The following CCM2L variants were observed in gnomAD, a reference collection of about 807,000 sequenced individuals.
CCM2L encodes CCM2 like scaffold protein, also known as cerebral cavernous malformations 2 protein-like.
CCM2L carries 36 observed loss-of-function variants against 54.1 expected under a neutral mutation model. The ratio of observed to expected loss-of-function variants is 0.67; its 90% CI spans 0.51 to 0.88. CCM2L has a LOEUF of 0.88. CCM2L is among the 40% of genes least tolerant of loss of function. The probability of loss-of-function intolerance (pLI) is 0.00; values close to 1 mark genes in which losing one functional copy is unlikely to be tolerated. For synonymous variants in CCM2L, 351 were observed against 359.3 expected (o/e 0.98, Z 0.26); for missense variants, 700 against 812.1 (o/e 0.86, Z 1.68).
intron 5 of CCM2L, among the ~76,000 whole-genome samples, chr20:32,019,661 C>T (rs2064784867): frequency 6.6e-6 from 1 of 152,160 alleles, no homozygotes; most frequent in Non-Finnish European, 1.5e-5. Flanking sequence ...GTTCCTTCTC[C>T]AACGTTGTCA....
At position 32,017,839 on chromosome 20, in the gene CCM2L, C is replaced by T. The variant is rs761922725; in HGVS notation, c.238C>T (p.Pro80Ser). 1 of 1,614,122 alleles carries T rather than the reference C, an allele frequency of 6.2e-7. No individual in the cohort carries two copies. The highest frequency in any genetic ancestry group is 8.5e-7 in the Non-Finnish European group (1 of 1,180,040). Residue 80 changes from proline (P) to serine (S), a missense_variant, in exon 3 of 10, where the codon CCC becomes TCC. By Grantham distance (74) the Pro-to-Ser change is moderately conservative. Transcript: ENST00000452892. ...HLTWVTSSLN[P>S]SSRDELLQLL... is the part of the protein sequence containing the mutation. Reference sequence around the variant, plus strand: ...TACCTGGGTGACTTCCTCACTGAACCCCTCCAGTCGGGACGAGCTCCTGCA... The same window carrying T: ...TACCTGGGTGACTTCCTCACTGAACTCCTCCAGTCGGGACGAGCTCCTGCA...
intron 1 of CCM2L, among the ~76,000 whole-genome samples, chr20:32,013,088 CAGG>C (rs1279419642): frequency 1.3e-5 from 2 of 152,166 alleles, no homozygotes; most frequent in African/African-American, 2.4e-5. Context: ...CATTTGAGCT[CAGG>C]AGTTCAAGCC....
chr20:32,028,881 T>C, intron 7 of CCM2L, 114 bp from the exon 8 acceptor site: 1 of 1,352,788 alleles, frequency 7.4e-7, no homozygotes, highest in Non-Finnish European at 1.0e-6. Context: ...GGCCAGGGTA[T>C]GCGAGGCCTT....
At chr20:32,014,259 ATATTT>A (rs1296782846) in intron 1 of CCM2L, among the ~76,000 whole-genome samples, 222 of 138,938 alleles carry the variant, frequency 1.6e-3, no homozygotes, top group African/African-American at 5.9e-3. Flanking sequence ...ATATATATAT[ATATTT>A]TTTTTTTTTT....
chr20:32,024,407 C>T (rs904595587), intron 6 of CCM2L, among the ~76,000 whole-genome samples: 2 of 152,224 alleles, frequency 1.3e-5, no homozygotes, highest in Non-Finnish European at 2.9e-5. Flanking sequence ...TTATTGAGCA[C>T]CTAGTGGGTC....
chr20:32,026,867 C>A (rs1014180226), intron 7 of CCM2L, among the ~76,000 whole-genome samples: 1 of 148,316 alleles, frequency 6.7e-6, no homozygotes, highest in South Asian at 2.1e-4. Context: ...CAGAGCGAGA[C>A]TCTATCTCAA....
Position 32,018,025 on chromosome 20 carries a change from T to C in CCM2L, c.329T>C (p.Ile110Thr). 1 of 1,613,712 alleles carries C rather than the reference T, an allele frequency of 6.2e-7. No homozygotes were observed. The highest frequency in any genetic ancestry group is 1.1e-5 in the South Asian group (1 of 91,050). The change falls in exon 4 of 10, where the codon ATC becomes ACC. Residue 110 changes from isoleucine (I) to threonine (T), a missense_variant. Coordinates refer to ENST00000452892, the MANE Select transcript of CCM2L (RefSeq NM_001365692.1). ...PLKTTAEQDS[I>T]LSLSARCLLL... is the part of the protein sequence containing the mutation. Reference sequence around the variant, plus strand: ...AAGACCACGGCGGAGCAGGACAGCATCCTGAGCCTGTCTGCCCGCTGCCTG... The same window carrying C: ...AAGACCACGGCGGAGCAGGACAGCACCCTGAGCCTGTCTGCCCGCTGCCTG...
intron 1 of CCM2L, among the ~76,000 whole-genome samples, chr20:32,011,375 C>T (rs761239642): frequency 3.9e-5 from 6 of 152,096 alleles, no homozygotes; most frequent in African/African-American, 1.4e-4. Flanking sequence ...GAGGCCGAGG[C>T]GGGTGGATCA....
At chr20:32,025,116 C>CCCCTTT (rs1237451619) in intron 6 of CCM2L, among the ~76,000 whole-genome samples, 1 of 149,434 alleles carries the variant, frequency 6.7e-6, no homozygotes. Flanking sequence ...CCTTCCCCTT[C>CCCCTTT]CCCTTTCTTT....
rs186680069 is a variant in CCM2L, at chr20:32,016,605, G to A, written c.199-1195G>A. ...TGGGAGGCAGAGGCTGCGGTGAGCC[G>A]AGCTCACACTGCTGCACTCCAGCCC... is the stretch of plus-strand genomic sequence containing the variant. On this transcript the variant is annotated intron_variant, in intron 2 of 9. Transcript: ENST00000452892. 2.9e-3 allele frequency among the ~76,000 whole-genome samples: 437 copies of A among 152,100 alleles called. 1 individual carries two copies. Among genetic ancestry groups the A allele is most frequent in the African/African-American group, 9.0e-3 (373 of 41,492 alleles).
intron 1 of CCM2L, among the ~76,000 whole-genome samples, chr20:32,013,926 T>C (rs1412439103): frequency 6.6e-6 from 1 of 152,150 alleles, no homozygotes; most frequent in African/African-American, 2.4e-5. Flanking sequence ...TCTGCATTTC[T>C]CTCAGTTCCT....
chr20:32,012,921 TAAGTA>T (rs2064706210), intron 1 of CCM2L, among the ~76,000 whole-genome samples: 1 of 152,200 alleles, frequency 6.6e-6, no homozygotes, highest in Non-Finnish European at 1.5e-5. Flanking sequence ...GTTACACAGT[TAAGTA>T]ATCACACCAC....
At chr20:32,028,822 C>G in intron 7 of CCM2L, 173 bp from the exon 8 acceptor site, 1 of 775,638 alleles carries the variant, frequency 1.3e-6, no homozygotes, top group Non-Finnish European at 2.0e-6. Context: ...GCACAAAGAG[C>G]AAAGGCAAAG....
At chr20:32,015,623 G>T (rs1378029225) in intron 2 of CCM2L, among the ~76,000 whole-genome samples, 4 of 152,182 alleles carry the variant, frequency 2.6e-5, no homozygotes, top group Non-Finnish European at 1.5e-5. Flanking sequence ...AGGTTGTGAT[G>T]GCCTTTGTGC....
At chr20:32,019,777 C>A (rs184755620) in intron 5 of CCM2L, among the ~76,000 whole-genome samples, 3 of 152,336 alleles carry the variant, frequency 2.0e-5, no homozygotes, top group Admixed American at 1.3e-4. Flanking sequence ...TTAATTCTCA[C>A]AGCAACCTCT....
intron 2 of CCM2L, among the ~76,000 whole-genome samples, chr20:32,017,415 A>G (rs905331050): frequency 6.6e-6 from 1 of 152,170 alleles, no homozygotes; most frequent in East Asian, 1.9e-4. Context: ...AAGCTGTTAT[A>G]ATAACTTTTG....
Position 32,025,834 on chromosome 20 carries a change from T to C in CCM2L, c.1070-22T>C, listed in dbSNP as rs779878697. 2.3e-6 allele frequency: 3 copies of C among 1,302,526 alleles called. No individual in the cohort carries two copies. The African/African-American group carries it at 4.6e-5, about 20-fold the overall frequency. 80.7% of individuals were successfully genotyped at this position (1,302,526 alleles called of 1,614,324 possible). ...ATCCCTGCTTTGCTGCCTCTGACAG[T>C]CCCTCTGTCTGCTGGTCCCAGGTGA... On this transcript the variant is annotated intron_variant, in intron 6 of 9. Coordinates refer to ENST00000452892, the MANE Select transcript of CCM2L (RefSeq NM_001365692.1).
chr20:32,011,593 AAAAT>A (rs890613362), intron 1 of CCM2L, among the ~76,000 whole-genome samples: 5 of 152,152 alleles, frequency 3.3e-5, no homozygotes, highest in African/African-American at 4.8e-5. Context: ...GACTCTGTCT[AAAAT>A]AAATAAATAA....
rs770146196 is a variant in CCM2L at position 32,017,801 on chromosome 20, T to G, written c.200T>G (p.Phe67Cys). 6.2e-7 allele frequency: 1 copy of G among 1,614,046 alleles called. No individual in the cohort carries two copies. The highest frequency in any genetic ancestry group is 8.5e-7 in the Non-Finnish European group (1 of 1,179,954). ...LCDYLEKEVKFLGHLTWVTSS... is the reference protein window; with the variant it reads ...LCDYLEKEVKCLGHLTWVTSS... Reference sequence around the variant, plus strand: ...TCTCTCACCCCGATTTCCATCCAGTTCCTGGGCCACCTTACCTGGGTGACT... The same window carrying G: ...TCTCTCACCCCGATTTCCATCCAGTGCCTGGGCCACCTTACCTGGGTGACT... Residue 67 changes from phenylalanine (F) to cysteine (C), a missense_variant and splice_region_variant, in exon 3 of 10, where the codon TTC (phenylalanine) becomes TGC (cysteine). Coordinates refer to ENST00000452892, the MANE Select transcript of CCM2L (RefSeq NM_001365692.1).
Sources: gnomAD v4.1 joint callset for allele counts (sites outside exome capture counted in the v4.1 genomes callset) on GRCh38, gnomAD v4.1.1 for gene constraint, MANE v1.5 for transcripts, NCBI Gene and HGNC (gene_info 2026-07-23, HGNC 2026-07-21) for gene names.